AP1AR: variants seen among roughly 807,000 people sequenced by gnomAD.
AP1AR encodes the protein AP-1 complex-associated regulatory protein.
A neutral mutation model predicts 46.3 loss-of-function variants in AP1AR; 29 were observed. The ratio of observed to expected loss-of-function variants is 0.63; its 90% CI spans 0.47 to 0.85. AP1AR has a LOEUF of 0.85. Among genes scored for constraint, AP1AR ranks in the 40% least tolerant of loss-of-function variants. The pLI, the probability that AP1AR is intolerant of heterozygous loss-of-function variation, is 0.00. For synonymous variants in AP1AR, 122 were observed against 122.9 expected (o/e 0.99, Z 0.05); for missense variants, 357 against 356.3 (o/e 1.00, Z -0.02).
intron 1 of AP1AR, among the ~76,000 whole-genome samples, chr4:112,236,774 T>C (rs1328867823): frequency 6.6e-6 from 1 of 152,210 alleles, no homozygotes; most frequent in Admixed American, 6.5e-5. Context: ...TGGCATACTG[T>C]CCCTTTGTAT....
chr4:112,262,872 A>G (rs2110490906), intron 5 of AP1AR, 116 bp from the exon 6 acceptor site: 4 of 714,722 alleles, frequency 5.6e-6, no homozygotes, highest in Non-Finnish European at 7.2e-6. Flanking sequence ...TGCTTTGTAG[A>G]GATCAATTAT....
chr4:112,260,831 A>G lies in AP1AR; in HGVS notation c.251A>G (p.Gln84Arg), dbSNP rs1170245667. 6.2e-7 allele frequency: 1 copy of G among 1,605,132 alleles called. No individual in the cohort carries two copies. Among genetic ancestry groups the G allele is most frequent in the African/African-American group, 1.3e-5 (1 of 74,640 alleles). ...ERHYDSIAEK[Q>R]KDLDKKIQKE... The stretch of plus-strand genomic sequence containing the variant: ...CATTATGATTCCATTGCCGAAAAAC[A>G]AAAAGATCTTGATAAGAAAATTCAA... The change falls in exon 5 of 10, where the codon CAA becomes CGA. Residue 84 changes from glutamine to arginine, a missense_variant. Transcript: ENST00000274000.
At position 112,255,108 on chromosome 4, in the gene AP1AR, C is replaced by T. The variant is rs111754498; in HGVS notation, c.159+335C>T. Among the ~76,000 whole-genome samples the T allele has an allele frequency of 6.8e-3, 1,028 of 151,924 alleles. 8 individuals carry two copies. Among genetic ancestry groups the T allele is most frequent in the African/African-American group, 0.023 (962 of 41,448 alleles). On this transcript the variant is annotated intron_variant, in intron 3 of 9. Coordinates refer to ENST00000274000, the MANE Select transcript of AP1AR (RefSeq NM_018569.6). Reference sequence around the variant, plus strand: ...CCAAGTAGCTGGGACTACAGGCGCCCGCCACTACGCCCGGCTAATTTTTTG... The same window carrying T: ...CCAAGTAGCTGGGACTACAGGCGCCTGCCACTACGCCCGGCTAATTTTTTG...
intron 3 of AP1AR, among the ~76,000 whole-genome samples, chr4:112,257,072 A>G (rs539529464): frequency 2.0e-4 from 31 of 152,342 alleles, no homozygotes; most frequent in Admixed American, 1.8e-3. Flanking sequence ...TTTTCCCCAT[A>G]ACACACATCA....
In AP1AR at chr4:112,262,063, C is replaced by T. The variant is rs543845281; in HGVS notation, c.283-925C>T. Among the ~76,000 whole-genome samples the T allele has an allele frequency of 2.0e-5, 3 of 152,078 alleles. No individual in the cohort carries two copies. The South Asian group carries it at 6.2e-4, about 32-fold the overall frequency. The stretch of plus-strand genomic sequence containing the variant: ...GGTATGGTGGCTAATGCCTATAGTC[C>T]CAGCACTTTGGAGGCCAAGACAGGC... On this transcript the variant is annotated intron_variant, in intron 5 of 9. Transcript: ENST00000274000.
intron 1 of AP1AR, among the ~76,000 whole-genome samples, chr4:112,235,807 A>G (rs995059594): frequency 2.0e-5 from 3 of 152,136 alleles, no homozygotes; most frequent in Non-Finnish European, 4.4e-5. Context: ...AGTATCTTGA[A>G]CGTTGTCACC....
rs1040920029 is a variant in AP1AR at position 112,231,815 on chromosome 4, G to A, written c.-277G>A. Reference sequence around the variant, plus strand: ...CACGCTGGGCTAGGAGCTGAGGCGAGAAGGGCCATGCGGACGGCGAGGGAG... The same window carrying A: ...CACGCTGGGCTAGGAGCTGAGGCGAAAAGGGCCATGCGGACGGCGAGGGAG... On this transcript the variant is annotated 5_prime_UTR_variant, in exon 1 of 10. Transcript: ENST00000274000. The A allele has an allele frequency of 2.3e-5, 8 of 343,102 alleles. No individual in the cohort carries two copies. Among genetic ancestry groups the A allele is most frequent in the Non-Finnish European group, 4.2e-5 (8 of 191,106 alleles). The allele number at this position is 343,102 out of a possible 1,614,324, so 21.3% of individuals were successfully genotyped here. A position where few individuals can be genotyped will look rare whatever the true frequency, so the allele number is the denominator to read the frequency against.
At chr4:112,252,927 TCTA>T (rs1726021981) in intron 1 of AP1AR, among the ~76,000 whole-genome samples, 1 of 152,192 alleles carries the variant, frequency 6.6e-6, no homozygotes, top group Non-Finnish European at 1.5e-5. Flanking sequence ...TAAAATGTAT[TCTA>T]CTCAATGTAG....
intron 1 of AP1AR, among the ~76,000 whole-genome samples, chr4:112,245,950 C>A (rs1725710134): frequency 6.6e-6 from 1 of 152,048 alleles, no homozygotes; most frequent in South Asian, 2.1e-4. Flanking sequence ...TCCTATCTTT[C>A]CTTCTAAGAC....
chr4:112,253,072 GT>G (rs1448355575), intron 1 of AP1AR, 135 bp from the exon 2 acceptor site: 2 of 593,122 alleles, frequency 3.4e-6, no homozygotes, highest in African/African-American at 3.9e-5. Context: ...AAATTTTGTT[GT>G]TCTTTTTTTA....
chr4:112,237,645 C>T (rs1439925556), intron 1 of AP1AR, among the ~76,000 whole-genome samples: 2 of 150,856 alleles, frequency 1.3e-5, no homozygotes, highest in East Asian at 2.0e-4. Flanking sequence ...TGTAGAGACA[C>T]GCAGGGTTTC....
intron 3 of AP1AR, 60 bp downstream of exon 3, chr4:112,254,833 AG>A (rs1238325105): frequency 2.4e-6 from 2 of 831,372 alleles, no homozygotes; most frequent in East Asian, 6.0e-5. Context: ...TCGTCTCATT[AG>A]TTCTAACAAT....
rs748896127 is a variant in AP1AR at position 112,260,787 on chromosome 4, T to C, written c.207T>C (p.Ile69=). Residue 69 remains isoleucine (I), a synonymous_variant, in exon 5 of 10, where the codon ATT becomes ATC. Coordinates refer to ENST00000274000, the MANE Select transcript of AP1AR (RefSeq NM_018569.6). Reference sequence around the variant, plus strand: ...CTAGGCCTCTTACTGAGGAAGAAATTGTTGACCTAAGAGAAAGGCATTATG... The same window carrying C: ...CTAGGCCTCTTACTGAGGAAGAAATCGTTGACCTAAGAGAAAGGCATTATG... ...SSHRPLTEEE[I]VDLRERHYDS... 1 of 1,598,348 alleles carries C rather than the reference T, an allele frequency of 6.3e-7. No homozygotes were observed. Among genetic ancestry groups the C allele is most frequent in the South Asian group, 1.2e-5 (1 of 86,902 alleles).
intron 5 of AP1AR, 97 bp downstream of exon 5, chr4:112,260,959 A>T: frequency 1.6e-6 from 1 of 643,296 alleles, no homozygotes. Flanking sequence ...CTATATTTAG[A>T]TATATACAGA....
At position 112,270,599 on chromosome 4, in the gene AP1AR, A is replaced by G. The variant is rs1303689607; in HGVS notation, c.*2190A>G. Among the ~76,000 whole-genome samples, 1 of 152,258 alleles carries G rather than the reference A, an allele frequency of 6.6e-6. No individual in the cohort carries two copies. The highest frequency in any genetic ancestry group is 1.5e-5 in the Non-Finnish European group (1 of 68,046). ...AAAACCTAATTGTTAAGCAGGAAAC[A>G]GTCAAGTAAAACCTGGTATGAAGCA... On this transcript the variant is annotated 3_prime_UTR_variant, in exon 10 of 10. Coordinates refer to ENST00000274000, the MANE Select transcript of AP1AR (RefSeq NM_018569.6).
rs1726891746 is a variant in AP1AR at position 112,270,154 on chromosome 4, TA to T, written c.*1748del. 6.6e-6 allele frequency: 1 copy of T among 152,560 alleles called. No individual in the cohort carries two copies. The highest frequency in any genetic ancestry group is 2.1e-4 in the South Asian group (1 of 4,830). The allele number at this position is 152,560 out of a possible 1,614,324, so 9.5% of individuals were successfully genotyped here. The stretch of plus-strand genomic sequence containing the variant: ...ATTAAATCTGATGTGAAGACAAAAG[TA>T]AATTAAGAAAGCAAGATGGAACTAG... On this transcript the variant is annotated 3_prime_UTR_variant, in exon 10 of 10. Coordinates refer to ENST00000274000, the MANE Select transcript of AP1AR (RefSeq NM_018569.6).
intron 1 of AP1AR, among the ~76,000 whole-genome samples, chr4:112,237,102 A>G (rs1240352970): frequency 2.6e-5 from 4 of 152,132 alleles, no homozygotes; most frequent in African/African-American, 9.7e-5. Flanking sequence ...TTCCTAAAAT[A>G]CAGTGTTTTC....
At chr4:112,237,219 G>A (rs1172161590) in intron 1 of AP1AR, among the ~76,000 whole-genome samples, 1 of 151,898 alleles carries the variant, frequency 6.6e-6, no homozygotes, top group African/African-American at 2.4e-5. Flanking sequence ...CAATTCTCCT[G>A]CCTCAGCATC....
chr4:112,236,112 A>G (rs1560600039), intron 1 of AP1AR, among the ~76,000 whole-genome samples: 1 of 151,654 alleles, frequency 6.6e-6, no homozygotes, highest in Non-Finnish European at 1.5e-5. Context: ...TCAGTTGTCT[A>G]CCTAAGAGGC....
Sources: allele counts gnomAD v4.1 joint callset (sites outside exome capture counted in the v4.1 genomes callset), GRCh38; gene constraint gnomAD v4.1.1; transcripts MANE v1.5; gene names NCBI Gene and HGNC (gene_info 2026-07-23, HGNC 2026-07-21).